PTPRD: variants seen among roughly 807,000 people sequenced by gnomAD.
PTPRD encodes protein tyrosine phosphatase receptor type D.
PTPRD carries 34 observed loss-of-function variants against 214.5 expected under a neutral mutation model. That is an observed-to-expected ratio of 0.16 (90% CI 0.12 to 0.21). The LOEUF (loss-of-function observed/expected upper bound fraction) is 0.21, where lower values mean the gene tolerates loss of function less well. PTPRD is among the 10% of genes least tolerant of loss of function. PTPRD has a pLI of 1.00. For synonymous variants in PTPRD, 1,128 were observed against 845.7 expected, an observed-to-expected ratio of 1.33 and a Z score of -5.79; for missense variants, 2,545 against 2,398.7, an observed-to-expected ratio of 1.06 and a Z score of -1.27.
chr9:9,474,077 G>A (rs865949736), intron 8 of PTPRD, among the ~76,000 whole-genome samples: 8 of 151,904 alleles, frequency 5.3e-5, no homozygotes, highest in African/African-American at 1.7e-4. Flanking sequence ...TACTTCTAGT[G>A]GTTTTATAGA....
chr9:9,111,714 G>C (rs576490048), intron 10 of PTPRD, among the ~76,000 whole-genome samples: 2 of 152,010 alleles, frequency 1.3e-5, no homozygotes, highest in East Asian at 3.9e-4. Flanking sequence ...AAATTATTTT[G>C]GCCACATATT....
intron 2 of PTPRD, among the ~76,000 whole-genome samples, chr9:10,538,435 T>C (rs1386337645): frequency 4.6e-5 from 7 of 152,086 alleles, no homozygotes; most frequent in Non-Finnish European, 1.0e-4. Context: ...CAGGCTTGAA[T>C]AAAAATCAAT....
intron 5 of PTPRD, among the ~76,000 whole-genome samples, chr9:9,870,889 A>G (rs1430579108): frequency 6.6e-6 from 1 of 152,150 alleles, no homozygotes; most frequent in Non-Finnish European, 1.5e-5. Context: ...TATACGTGTT[A>G]TAACAACATA....
At chr9:8,770,476 TTC>T (rs2095120946) in intron 11 of PTPRD, among the ~76,000 whole-genome samples, 1 of 152,166 alleles carries the variant, frequency 6.6e-6, no homozygotes, top group Non-Finnish European at 1.5e-5. Flanking sequence ...CAATTCATTT[TTC>T]TCTCATTAAA....
intron 8 of PTPRD, among the ~76,000 whole-genome samples, chr9:9,407,076 T>C (rs1450748193): frequency 6.6e-6 from 1 of 151,786 alleles, no homozygotes; most frequent in Non-Finnish European, 1.5e-5. Flanking sequence ...ATACTGTTTT[T>C]GGATAAATTA....
intron 4 of PTPRD, among the ~76,000 whole-genome samples, chr9:10,007,532 A>G (rs1383554339): frequency 6.6e-6 from 1 of 151,996 alleles, no homozygotes; most frequent in Admixed American, 6.6e-5. Context: ...TGGGCACTAA[A>G]TTGCAAAGCA....
At chr9:10,610,171 A>G (rs914004717) in intron 2 of PTPRD, among the ~76,000 whole-genome samples, 2 of 152,180 alleles carry the variant, frequency 1.3e-5, no homozygotes, top group Admixed American at 6.5e-5. Context: ...CAAAAAGGTG[A>G]CAATTTAATC....
At chr9:8,882,683 G>C (rs2098456098) in intron 11 of PTPRD, among the ~76,000 whole-genome samples, 1 of 151,950 alleles carries the variant, frequency 6.6e-6, no homozygotes, top group Non-Finnish European at 1.5e-5. Flanking sequence ...CCAGGAGTTT[G>C]AGACCAGCCT....
At chr9:8,793,821 A>G (rs933271962) in intron 11 of PTPRD, among the ~76,000 whole-genome samples, 1 of 152,218 alleles carries the variant, frequency 6.6e-6, no homozygotes, top group East Asian at 1.9e-4. Context: ...TAGATACACT[A>G]TGTATCTAGG....
intron 3 of PTPRD, among the ~76,000 whole-genome samples, chr9:10,043,021 C>A (rs565358248): frequency 6.6e-6 from 1 of 152,032 alleles, no homozygotes; most frequent in South Asian, 2.1e-4. Flanking sequence ...AGTTCTAACA[C>A]AAATCAAATG....
At chr9:9,188,031 A>G (rs893299830) in intron 9 of PTPRD, among the ~76,000 whole-genome samples, 2 of 152,094 alleles carry the variant, frequency 1.3e-5, no homozygotes, top group Admixed American at 6.6e-5. Flanking sequence ...GCACATTTCC[A>G]GTAATACATA....
At chr9:10,545,079 G>A (rs1308656990) in intron 2 of PTPRD, among the ~76,000 whole-genome samples, 2 of 152,152 alleles carry the variant, frequency 1.3e-5, no homozygotes, top group African/African-American at 2.4e-5. Flanking sequence ...GTATTTTACT[G>A]TTCCACTTTA....
intron 4 of PTPRD, among the ~76,000 whole-genome samples, chr9:10,019,382 A>G (rs2096795902): frequency 6.6e-6 from 1 of 152,128 alleles, no homozygotes; most frequent in South Asian, 2.1e-4. Context: ...TTCCTTAGGG[A>G]TCTAGAACTA....
intron 2 of PTPRD, among the ~76,000 whole-genome samples, chr9:10,449,598 T>C (rs1365445422): frequency 2.0e-5 from 3 of 151,040 alleles, no homozygotes; most frequent in African/African-American, 7.4e-5. Flanking sequence ...GAGGAGGGTC[T>C]CTGCCCAGCC....
At chr9:10,320,440 C>T (rs142791365) in intron 3 of PTPRD, among the ~76,000 whole-genome samples, 1 of 151,974 alleles carries the variant, frequency 6.6e-6, no homozygotes, top group Non-Finnish European at 1.5e-5. Context: ...AATAAAGCAT[C>T]ATTATTTTTT....
intron 4 of PTPRD, among the ~76,000 whole-genome samples, chr9:10,012,472 G>C (rs1415618532): frequency 1.3e-5 from 2 of 151,922 alleles, no homozygotes; most frequent in Middle Eastern, 3.2e-3. Context: ...TCTCAAAAAA[G>C]TCATTCTCCA....
intron 3 of PTPRD, among the ~76,000 whole-genome samples, chr9:10,154,287 T>G (rs1206677009): frequency 6.6e-6 from 1 of 152,170 alleles, no homozygotes; most frequent in Admixed American, 6.5e-5. Context: ...AAAATGCCTG[T>G]TATGTTCTTT....
At chr9:8,671,632 G>A (rs998602185) in intron 12 of PTPRD, among the ~76,000 whole-genome samples, 6 of 151,996 alleles carry the variant, frequency 3.9e-5, no homozygotes, top group Non-Finnish European at 8.8e-5. Context: ...CACTGAATAC[G>A]GAAATACATT....
intron 2 of PTPRD, among the ~76,000 whole-genome samples, chr9:10,592,278 G>A (rs2075649073): frequency 6.7e-6 from 1 of 149,202 alleles, no homozygotes; most frequent in South Asian, 2.1e-4. Context: ...TGACATATGT[G>A]AGCCAGTAGA....
Sources: allele counts gnomAD v4.1 joint callset (sites outside exome capture counted in the v4.1 genomes callset), GRCh38; gene constraint gnomAD v4.1.1; transcripts MANE v1.5; gene names NCBI Gene and HGNC (gene_info 2026-07-23, HGNC 2026-07-21).